The following IRAK2 variants were observed in gnomAD, a reference collection of about 807,000 sequenced individuals.
IRAK2 encodes the protein interleukin 1 receptor associated kinase 2.
In IRAK2, 57 loss-of-function variants were observed where a neutral mutation model predicts 72.0. The observed-to-expected ratio is 0.79, with a 90% CI of 0.64 to 0.99. The LOEUF (loss-of-function observed/expected upper bound fraction) is 0.99, where lower values mean the gene tolerates loss of function less well. Ranked by LOEUF, IRAK2 falls within the 50% of genes least tolerant of loss-of-function variation. The pLI, the probability that IRAK2 is intolerant of heterozygous loss-of-function variation, is 0.00. For synonymous variants in IRAK2, 293 were observed against 312.7 expected, an observed-to-expected ratio of 0.94 and a Z score of 0.67; for missense variants, 790 against 794.4, an observed-to-expected ratio of 0.99 and a Z score of 0.07.
chr3:10,208,462 T>TA (rs1190359185), intron 3 of IRAK2, among the ~76,000 whole-genome samples: 1 of 133,900 alleles, frequency 7.5e-6, no homozygotes, highest in African/African-American at 3.5e-5. Flanking sequence ...ACCTGGCTAT[T>TA]AAAAAAAAAT....
intron 4 of IRAK2, among the ~76,000 whole-genome samples, chr3:10,212,392 A>G (rs1456780704): frequency 6.6e-6 from 1 of 152,046 alleles, no homozygotes; most frequent in African/African-American, 2.4e-5. Context: ...TGGTCCAGGG[A>G]AGTCAAAAAT....
At chr3:10,215,759 C>T (rs534054174) in intron 6 of IRAK2, among the ~76,000 whole-genome samples, 1 of 151,774 alleles carries the variant, frequency 6.6e-6, no homozygotes, top group East Asian at 2.0e-4. Context: ...TGTACACACA[C>T]ACACACACAC....
intron 9 of IRAK2, among the ~76,000 whole-genome samples, chr3:10,224,325 A>G (rs922323966): frequency 6.8e-6 from 1 of 146,340 alleles, no homozygotes; most frequent in African/African-American, 2.6e-5. Context: ...CAACAGAGCA[A>G]GATTCTGTCT....
At chr3:10,183,721 A>AAATAAATG (rs972604074) in intron 2 of IRAK2, among the ~76,000 whole-genome samples, 1 of 64,832 alleles carries the variant, frequency 1.5e-5, no homozygotes, top group Non-Finnish European at 4.0e-5. Context: ...CTCCGTCTCA[A>AAATAAATG]AATAAATAAA....
chr3:10,240,841 G>T (rs182645042), intron 12 of IRAK2, among the ~76,000 whole-genome samples: 2 of 151,636 alleles, frequency 1.3e-5, no homozygotes, highest in African/African-American at 2.4e-5. Flanking sequence ...TTATAGGTAT[G>T]AGCCACCGCA....
At chr3:10,171,178 G>A (rs535230285) in intron 1 of IRAK2, among the ~76,000 whole-genome samples, 42 of 152,190 alleles carry the variant, frequency 2.8e-4, no homozygotes, top group Middle Eastern at 3.2e-3. Flanking sequence ...TCAGCCCCAG[G>A]TGTGTGCAGA....
intron 2 of IRAK2, among the ~76,000 whole-genome samples, chr3:10,192,886 T>C: frequency 6.6e-6 from 1 of 152,196 alleles, no homozygotes; most frequent in Non-Finnish European, 1.5e-5. Context: ...GCCACTGTAC[T>C]CCAGCCTGGG....
intron 3 of IRAK2, among the ~76,000 whole-genome samples, chr3:10,202,149 A>AAT (rs1697369376): frequency 6.6e-6 from 1 of 152,162 alleles, no homozygotes; most frequent in African/African-American, 2.4e-5. Context: ...CCTGTAGCTA[A>AAT]ATATATGTAT....
intron 5 of IRAK2, 33 bp from the exon 6 acceptor site, chr3:10,213,451 G>A (rs764354358): frequency 2.2e-5 from 36 of 1,612,368 alleles, no homozygotes; most frequent in Non-Finnish European, 2.7e-5. Flanking sequence ...GGGGTGGGGC[G>A]GGATCTTCAT....
chr3:10,233,183 G>A (rs1020324614), intron 10 of IRAK2, among the ~76,000 whole-genome samples: 4 of 151,994 alleles, frequency 2.6e-5, no homozygotes, highest in Non-Finnish European at 1.5e-5. Flanking sequence ...CCGAGTACCT[G>A]GGACTATAGG....
At chr3:10,225,143 TA>T (rs142522559) in intron 9 of IRAK2, among the ~76,000 whole-genome samples, 2,556 of 152,244 alleles carry the variant, frequency 0.017, 69 homozygotes, top group African/African-American at 0.058. Flanking sequence ...CTGGGTGGTT[TA>T]AAACCTTTAT....
intron 10 of IRAK2, among the ~76,000 whole-genome samples, chr3:10,229,567 G>A (rs541741607): frequency 4.1e-4 from 62 of 152,256 alleles, no homozygotes; most frequent in African/African-American, 1.4e-3. Flanking sequence ...TCTTTAGAGG[G>A]TCATATCAAT....
At chr3:10,224,351 AG>A (rs1258299067) in intron 9 of IRAK2, among the ~76,000 whole-genome samples, 2 of 150,668 alleles carry the variant, frequency 1.3e-5, no homozygotes, top group Non-Finnish European at 3.0e-5. Context: ...AAAAAAAAAA[AG>A]AAAAAAAAGA....
At chr3:10,221,148 T>G (rs905501479) in intron 8 of IRAK2, among the ~76,000 whole-genome samples, 28 of 151,128 alleles carry the variant, frequency 1.9e-4, no homozygotes, top group African/African-American at 5.1e-4. Flanking sequence ...ATCCCAGCAC[T>G]TTGGGTGGCC....
intron 6 of IRAK2, among the ~76,000 whole-genome samples, chr3:10,214,621 G>A (rs559855657): frequency 6.6e-6 from 1 of 151,406 alleles, no homozygotes; most frequent in East Asian, 1.9e-4. Flanking sequence ...AGAAAATTGA[G>A]TATCTGTTCA....
chr3:10,199,144 C>T (rs1697315898), intron 2 of IRAK2, among the ~76,000 whole-genome samples: 1 of 151,978 alleles, frequency 6.6e-6, no homozygotes, highest in Admixed American at 6.6e-5. Context: ...CCTGAGCTGG[C>T]GGCAGGGCCC....
intron 3 of IRAK2, among the ~76,000 whole-genome samples, chr3:10,201,227 A>C (rs1697355971): frequency 6.6e-6 from 1 of 152,208 alleles, no homozygotes; most frequent in African/African-American, 2.4e-5. Context: ...CATTTCATGG[A>C]TGAGAAAACT....
intron 10 of IRAK2, among the ~76,000 whole-genome samples, chr3:10,233,703 TATC>T (rs1414947231): frequency 3.3e-5 from 5 of 152,306 alleles, no homozygotes; most frequent in Admixed American, 2.0e-4. Context: ...ATTAAGTGCT[TATC>T]ATGTAGTAAG....
chr3:10,205,802 C>G (rs1697425572), intron 3 of IRAK2, among the ~76,000 whole-genome samples: 1 of 152,248 alleles, frequency 6.6e-6, no homozygotes, highest in Non-Finnish European at 1.5e-5. Context: ...TGAAAGAAAA[C>G]CGTCAGGTGA....
Sources: allele counts gnomAD v4.1 joint callset (sites outside exome capture counted in the v4.1 genomes callset), GRCh38; gene constraint gnomAD v4.1.1; transcripts MANE v1.5; gene names NCBI Gene and HGNC (gene_info 2026-07-23, HGNC 2026-07-21).